The following CEP295 variants were observed in gnomAD, a reference collection of about 807,000 sequenced individuals.
The protein encoded by CEP295 is centrosomal protein 295, also known as centrosomal protein of 295 kDa.
A neutral mutation model predicts 291.6 loss-of-function variants in CEP295; 190 were observed. The observed-to-expected ratio is 0.65, with a 90% confidence interval of 0.58 to 0.73. The LOEUF (loss-of-function observed/expected upper bound fraction) is 0.73, where lower values mean the gene tolerates loss of function less well. CEP295 is among the 30% of genes least tolerant of loss of function. The pLI, the probability that CEP295 is intolerant of heterozygous loss-of-function variation, is 0.00. For synonymous variants in CEP295, 993 were observed against 1,038.8 expected (o/e 0.96, Z 0.85); for missense variants, 2,863 against 2,949.4 (o/e 0.97, Z 0.68).
chr11:93,679,319 G>T, intron 6 of CEP295, 93 bp from the exon 7 acceptor site: 1 of 1,035,486 alleles, frequency 9.7e-7, no homozygotes. Context: ...TTTTATATAT[G>T]TAGAAAACAT....
Position 93,717,394 on chromosome 11 carries a change from A to G in CEP295, c.5750-3918A>G, listed in dbSNP as rs182525328. Among the ~76,000 whole-genome samples the G allele has an allele frequency of 2.0e-5, 3 of 152,334 alleles. No individual in the cohort carries two copies. In the East Asian group the frequency reaches 5.8e-4, roughly 29 times the overall value. On this transcript the variant is annotated intron_variant, in intron 18 of 29. Transcript: ENST00000325212. ...GTCTGACCTGTTGCGGTGAGGGGGA[A>G]TGCATACCATGGGCAACCACGAGGC...
In CEP295 at chr11:93,721,964, T is replaced by C. The variant is rs761974097; in HGVS notation, c.5861T>C (p.Leu1954Pro). The C allele has an allele frequency of 6.2e-7, 1 of 1,608,182 alleles. No homozygotes were observed. ...TVKPDDKAKT[L>P]SYEPLSSATV... Reference sequence around the variant, plus strand: ...CCCCTTAATTTCTAGGCTAAAACACTGTCTTATGAACCATTATCTTCAGCA... The same window carrying C: ...CCCCTTAATTTCTAGGCTAAAACACCGTCTTATGAACCATTATCTTCAGCA... The change falls in exon 20 of 30, where the codon CTG (leucine) becomes CCG (proline). Residue 1954 changes from leucine to proline, a missense_variant. Transcript: ENST00000325212.
rs1938174526 is a variant in CEP295, at chr11:93,729,928, CAG to C, written c.7628_7629del (p.Arg2543LysfsTer20). ...AAGTCAGAGCATCTTTTCCTGAAGA[CAG>C]AAAGACTACACAGGCTCTAAGGCAC... Reference protein sequence around the residue: ...NKVRASFPEDRKTTQALRHQR... With the variant: ...NKVRASFPEDXKTTQALRHQR... On this transcript the variant is annotated frameshift_variant, in exon 28 of 30. Transcript: ENST00000325212. LOFTEE classifies it high-confidence loss of function. 6.5e-7 allele frequency: 1 copy of C among 1,548,842 alleles called. No homozygotes were observed. Among genetic ancestry groups the C allele is most frequent in the South Asian group, 1.2e-5 (1 of 83,598 alleles).
chr11:93,699,577 G>A lies in CEP295; in HGVS notation c.4665G>A (p.Val1555=). 6.4e-7 allele frequency: 1 copy of A among 1,551,892 alleles called. No homozygotes were observed. The highest frequency in any genetic ancestry group is 8.7e-7 in the Non-Finnish European group (1 of 1,147,092). Residue 1555 remains valine (V), a synonymous_variant, in exon 15 of 30, where the codon GTG becomes GTA. Coordinates refer to ENST00000325212, the MANE Select transcript of CEP295 (RefSeq NM_033395.2). ...QVCSSSFVSQ[V]PVADSERTQK... is the part of the protein sequence containing the mutation. ...GCTCCTCTTCATTTGTATCCCAGGT[G>A]CCTGTTGCTGACTCTGAAAGAACCC...
chr11:93,671,149 C>A (rs986192044), intron 5 of CEP295, among the ~76,000 whole-genome samples: 1 of 152,154 alleles, frequency 6.6e-6, no homozygotes, highest in South Asian at 2.1e-4. Context: ...TCCCAAAGTG[C>A]TAGGATTACA....
intron 8 of CEP295, 108 bp from the exon 9 acceptor site, chr11:93,683,856 G>T (rs1464594617): frequency 1.2e-5 from 17 of 1,411,150 alleles, no homozygotes; most frequent in Non-Finnish European, 1.6e-5. Context: ...TTTGAAGGAG[G>T]CCCCCCATAT....
intron 18 of CEP295, among the ~76,000 whole-genome samples, chr11:93,710,106 G>A (rs1952800493): frequency 1.3e-5 from 2 of 152,052 alleles, no homozygotes; most frequent in East Asian, 1.9e-4. Context: ...TTTCCAACTT[G>A]GATGCTCTTT....
At chr11:93,714,394 G>C (rs773343416) in intron 18 of CEP295, among the ~76,000 whole-genome samples, 1 of 152,186 alleles carries the variant, frequency 6.6e-6, no homozygotes, top group Non-Finnish European at 1.5e-5. Flanking sequence ...GGGACTACAG[G>C]CGCGTGCCAC....
chr11:93,678,888 G>A (rs1265600752), intron 6 of CEP295, among the ~76,000 whole-genome samples: 2 of 151,954 alleles, frequency 1.3e-5, no homozygotes, highest in South Asian at 2.1e-4. Flanking sequence ...ATGGAGTCTT[G>A]TTCTGTCACC....
chr11:93,673,532 C>T (rs746622592), intron 5 of CEP295, among the ~76,000 whole-genome samples: 2 of 151,910 alleles, frequency 1.3e-5, no homozygotes, highest in Admixed American at 6.6e-5. Context: ...CTTATTCTGT[C>T]GCCCAGGCTG....
In CEP295 at chr11:93,727,024, A is replaced by G; in HGVS notation, c.6548A>G (p.Glu2183Gly). ...EQLQPEYSSQ[E>G]ESQHADLPSI... ...CTTCAGCCAGAATATTCTTCACAGG[A>G]GGAGAGCCAGCATGCTGATCTACCA... Residue 2183 changes from glutamate to glycine, a missense_variant, in exon 24 of 30, where the codon GAG (glutamate) becomes GGG (glycine). Physicochemically the swap from Glu to Gly is moderately conservative, Grantham distance 98. Coordinates refer to ENST00000325212, the MANE Select transcript of CEP295 (RefSeq NM_033395.2). 1 of 1,548,628 alleles carries G rather than the reference A, an allele frequency of 6.5e-7. No individual in the cohort carries two copies. Among genetic ancestry groups the G allele is most frequent in the Non-Finnish European group, 8.7e-7 (1 of 1,145,964 alleles).
chr11:93,703,857 C>A (rs1952346494), intron 17 of CEP295, among the ~76,000 whole-genome samples: 1 of 151,316 alleles, frequency 6.6e-6, no homozygotes, highest in African/African-American at 2.4e-5. Flanking sequence ...CAAGCTCCGC[C>A]TCCCAGGTTC....
At position 93,728,727 on chromosome 11, in the gene CEP295, T is replaced by C; in HGVS notation, c.7208T>C (p.Leu2403Ser). ...ATAATGGAAGAACCAGAACTTACTT[T>C]AATAAGCACCACTGATACCAGTATT... is the stretch of plus-strand genomic sequence containing the variant. The part of the protein sequence containing the change: ...HGIMEEPELT[L>S]ISTTDTSIAE... The change falls in exon 25 of 30, where the codon TTA (leucine) becomes TCA (serine). Residue 2403 changes from leucine (L) to serine (S), a missense_variant. Transcript: ENST00000325212. The C allele has an allele frequency of 6.5e-7, 1 of 1,550,242 alleles. No homozygotes were observed. Among genetic ancestry groups the C allele is most frequent in the Non-Finnish European group, 8.7e-7 (1 of 1,146,516 alleles).
chr11:93,718,580 G>A (rs936048629), intron 18 of CEP295, among the ~76,000 whole-genome samples: 2 of 152,068 alleles, frequency 1.3e-5, no homozygotes, highest in Non-Finnish European at 2.9e-5. Context: ...CGCAAATGCT[G>A]CCTTATTTAT....
intron 9 of CEP295, among the ~76,000 whole-genome samples, chr11:93,686,535 C>G (rs1389920274): frequency 6.6e-6 from 1 of 151,922 alleles, no homozygotes; most frequent in Non-Finnish European, 1.5e-5. Context: ...TTTTAAAAAT[C>G]CTTACTTTTA....
chr11:93,702,946 A>T, intron 17 of CEP295, 27 bp downstream of exon 17: 1 of 1,514,256 alleles, frequency 6.6e-7, no homozygotes, highest in Non-Finnish European at 8.8e-7. Context: ...ATAAAACAAG[A>T]TTTTTAAATA....
At chr11:93,705,678 T>A (rs1384920252) in intron 17 of CEP295, among the ~76,000 whole-genome samples, 1 of 152,228 alleles carries the variant, frequency 6.6e-6, no homozygotes, top group Non-Finnish European at 1.5e-5. Context: ...TTACATTTTT[T>A]AGTTCTTTCA....
chr11:93,721,955 C>G lies in CEP295; in HGVS notation c.5852C>G (p.Ala1951Gly). The change falls in exon 20 of 30, where the codon GCT (alanine) becomes GGT (glycine). Residue 1951 changes from alanine (A) to glycine (G), a missense_variant and splice_region_variant. By Grantham distance (60) the Ala-to-Gly change is moderately conservative (BLOSUM62 0). Transcript: ENST00000325212. ...LGPTVKPDDK[A>G]KTLSYEPLSS... is the part of the protein sequence containing the mutation. ...TATGATATTCCCCTTAATTTCTAGG[C>G]TAAAACACTGTCTTATGAACCATTA... 2 of 1,607,526 alleles carry G rather than the reference C, an allele frequency of 1.2e-6. No homozygotes were observed. The highest frequency in any genetic ancestry group is 1.7e-6 in the Non-Finnish European group (2 of 1,174,626).
intron 18 of CEP295, among the ~76,000 whole-genome samples, chr11:93,712,333 A>G (rs527682673): frequency 4.6e-5 from 7 of 152,176 alleles, no homozygotes; most frequent in African/African-American, 1.7e-4. Context: ...GGCTCACTGC[A>G]GCCTCCGCCT....
Sources: gnomAD v4.1 joint callset for allele counts (sites outside exome capture counted in the v4.1 genomes callset) on GRCh38, gnomAD v4.1.1 for gene constraint, MANE v1.5 for transcripts, NCBI Gene and HGNC (gene_info 2026-07-23, HGNC 2026-07-21) for gene names.